MYO3A: variants seen among roughly 807,000 people sequenced by gnomAD.
MYO3A encodes myosin IIIA.
Under a neutral mutation model 192.7 loss-of-function variants are expected in MYO3A, and 180 were observed. That is an observed-to-expected ratio of 0.93 (90% CI 0.83 to 1.06). MYO3A has a LOEUF of 1.06. Among genes scored for constraint, MYO3A ranks in the 50% least tolerant of loss-of-function variants. The pLI is 0.00. For missense variants in MYO3A, 1,896 were observed against 1,905.0 expected (o/e 1.00, Z 0.09); for synonymous variants, 628 against 645.3 (o/e 0.97, Z 0.41).
rs886046920 is a variant in MYO3A at position 26,070,327 on chromosome 10, ATTT to A, written c.1286_1288del (p.Ile429_Ser430delinsThr). The A allele has an allele frequency of 2.5e-6, 4 of 1,613,204 alleles. No individual in the cohort carries two copies. Among genetic ancestry groups the A allele is most frequent in the Non-Finnish European group, 3.4e-6 (4 of 1,179,404 alleles). On this transcript the variant is annotated inframe_deletion, in exon 14 of 35. Transcript: ENST00000642920. ...TCTTTTCTATGTATAGTGCATTGTT[ATTT>A]CTGGAGAAAGTGGTGCTGGAAAGAC...
chr10:25,965,345 C>T (rs1838193141), intron 4 of MYO3A, among the ~76,000 whole-genome samples: 1 of 152,054 alleles, frequency 6.6e-6, no homozygotes, highest in Non-Finnish European at 1.5e-5. Flanking sequence ...GGAGCTAGGG[C>T]CTGGAATGGG....
At chr10:26,166,747 T>C (rs7897279) in intron 27 of MYO3A, among the ~76,000 whole-genome samples, 4,101 of 152,300 alleles carry the variant, frequency 0.027, 192 homozygotes, top group African/African-American at 0.091. Context: ...TTTTCCTTTT[T>C]TTCTTAATTC....
At chr10:26,104,074 T>C (rs1025135377) in intron 17 of MYO3A, among the ~76,000 whole-genome samples, 4 of 151,804 alleles carry the variant, frequency 2.6e-5, no homozygotes, top group African/African-American at 7.3e-5. Flanking sequence ...AAATTTTTTA[T>C]AATCTAGGTA....
chr10:26,070,290 T>G (rs1186416314), intron 13 of MYO3A, 28 bp from the exon 14 acceptor site: 2 of 1,609,030 alleles, frequency 1.2e-6, no homozygotes, highest in Non-Finnish European at 1.7e-6. Flanking sequence ...GGATAAGGTC[T>G]TCTCACAGTT....
At chr10:26,000,429 C>G (rs1317952078) in intron 6 of MYO3A, among the ~76,000 whole-genome samples, 1 of 152,116 alleles carries the variant, frequency 6.6e-6, no homozygotes, top group Non-Finnish European at 1.5e-5. Flanking sequence ...AACATTTATT[C>G]TAGAAGAAAT....
At chr10:25,991,871 A>G (rs1269067731) in intron 4 of MYO3A, among the ~76,000 whole-genome samples, 1 of 152,064 alleles carries the variant, frequency 6.6e-6, no homozygotes, top group East Asian at 1.9e-4. Flanking sequence ...CCATTGGTCT[A>G]TATCTCTGTT....
intron 2 of MYO3A, among the ~76,000 whole-genome samples, chr10:25,944,707 A>G (rs1003719139): frequency 1.3e-5 from 2 of 151,670 alleles, no homozygotes; most frequent in African/African-American, 4.8e-5. Flanking sequence ...TGTTAACAGT[A>G]CTCTCTTATA....
intron 4 of MYO3A, among the ~76,000 whole-genome samples, chr10:25,992,146 G>A (rs1304100611): frequency 6.6e-6 from 1 of 151,670 alleles, no homozygotes; most frequent in Non-Finnish European, 1.5e-5. Flanking sequence ...CTACCCATGA[G>A]CATGGAATGG....
intron 26 of MYO3A, 107 bp downstream of exon 26, chr10:26,157,622 G>A (rs1841223000): frequency 2.5e-6 from 3 of 1,210,306 alleles, no homozygotes; most frequent in Non-Finnish European, 1.2e-6. Flanking sequence ...CTAGGAGGGA[G>A]GCATTTTGTT....
At chr10:25,974,015 C>T (rs991426410) in intron 4 of MYO3A, among the ~76,000 whole-genome samples, 2 of 152,122 alleles carry the variant, frequency 1.3e-5, no homozygotes, top group Non-Finnish European at 2.9e-5. Flanking sequence ...CAATACCATT[C>T]AGGACATAGT....
intron 17 of MYO3A, among the ~76,000 whole-genome samples, chr10:26,115,580 G>A (rs1255220803): frequency 6.6e-6 from 1 of 151,900 alleles, no homozygotes; most frequent in Non-Finnish European, 1.5e-5. Flanking sequence ...TATAAGAATA[G>A]AAAAAAATCT....
chr10:25,996,657 C>A (rs1251070851), intron 5 of MYO3A, 63 bp downstream of exon 5: 2 of 1,358,710 alleles, frequency 1.5e-6, no homozygotes, highest in South Asian at 1.2e-5. Context: ...AAATGTAGAT[C>A]CTATTTTTAG....
intron 10 of MYO3A, among the ~76,000 whole-genome samples, chr10:26,060,984 A>G (rs894507742): frequency 6.6e-6 from 1 of 151,774 alleles, no homozygotes; most frequent in Non-Finnish European, 1.5e-5. Context: ...GCTGGAGTGC[A>G]GGGGTGCAAT....
intron 14 of MYO3A, among the ~76,000 whole-genome samples, chr10:26,073,540 CCGAGAT>C (rs879802160): frequency 0.47 from 71,484 of 151,084 alleles, 17,817 homozygotes; most frequent in Middle Eastern, 0.59. Flanking sequence ...TTGCAGTGAG[CCGAGAT>C]TGCGCCACTG....
rs1339209829 is a variant in MYO3A, at chr10:25,964,484, CACCTT to C, written c.303+9478_303+9482del. On this transcript the variant is annotated intron_variant, in intron 4 of 34. Transcript: ENST00000642920. ...AGCAAAAATAAAACTAATAAAAACT[CACCTT>C]AGCTTAGCTTTGTCCCCTGATTTTT... is the stretch of plus-strand genomic sequence containing the variant. 7.2e-5 allele frequency among the ~76,000 whole-genome samples: 11 copies of C among 152,234 alleles called. No individual in the cohort carries two copies. In the East Asian group the frequency reaches 9.6e-4, roughly 13 times the overall value.
intron 17 of MYO3A, among the ~76,000 whole-genome samples, chr10:26,102,292 A>T (rs541199874): frequency 6.6e-6 from 1 of 152,202 alleles, no homozygotes; most frequent in East Asian, 1.9e-4. Flanking sequence ...CTAGTTAGCC[A>T]TTTGTCTAAT....
chr10:26,166,284 A>C, intron 27 of MYO3A, 106 bp downstream of exon 27: 1 of 996,148 alleles, frequency 1.0e-6, no homozygotes, highest in Non-Finnish European at 1.6e-6. Flanking sequence ...ATGTTATAGA[A>C]TCTATAACTT....
rs1484142831 is a variant in MYO3A at position 26,157,535 on chromosome 10, A to G, written c.2999+20A>G. On this transcript the variant is annotated intron_variant, in intron 26 of 34. Transcript: ENST00000642920. The stretch of plus-strand genomic sequence containing the variant: ...AAAGCGGTATGTGGATTTCTTTTTC[A>G]GTTTCTATTGTGCAGTTTATATAAA... 1 of 1,603,394 alleles carries G rather than the reference A, an allele frequency of 6.2e-7. No individual in the cohort carries two copies. The highest frequency in any genetic ancestry group is 2.2e-5 in the East Asian group (1 of 44,812).
rs1554816581 is a variant in MYO3A, at chr10:26,062,530, A to AAAAACAAAAAAAACAAAAAAAAACG, written c.954-4442_954-4441insACAAAAAAAACAAAAAAAAACGAAA. Among the ~76,000 whole-genome samples the AAAAACAAAAAAAACAAAAAAAAACG allele has an allele frequency of 1.8e-4, 23 of 126,006 alleles. 2 individuals are homozygous for AAAAACAAAAAAAACAAAAAAAAACG. The highest frequency in any genetic ancestry group is 4.1e-3 in the Middle Eastern group (1 of 244). 82.7% of individuals were successfully genotyped at this position (126,006 alleles called of 152,430 possible). Reference sequence around the variant, plus strand: ...GATGCCATCTCAAAAAAAAAAAAAAAAAATTATGGAGGAATCTAATTAAGA... The same window carrying AAAAACAAAAAAAACAAAAAAAAACG: ...GATGCCATCTCAAAAAAAAAAAAAAAAAAACAAAAAAAACAAAAAAAAACGAAATTATGGAGGAATCTAATTAAGA... On this transcript the variant is annotated intron_variant, in intron 10 of 34. Coordinates refer to ENST00000642920, the MANE Select transcript of MYO3A (RefSeq NM_017433.5).
Sources: gnomAD v4.1 joint callset for allele counts (sites outside exome capture counted in the v4.1 genomes callset) on GRCh38, gnomAD v4.1.1 for gene constraint, MANE v1.5 for transcripts, NCBI Gene and HGNC (gene_info 2026-07-23, HGNC 2026-07-21) for gene names.